The following EDIL3 variants were observed in gnomAD, a reference collection of about 807,000 sequenced individuals.
The protein encoded by EDIL3 is EGF-like repeat and discoidin I-like domain-containing protein 3.
Under a neutral mutation model 67.4 loss-of-function variants are expected in EDIL3, and 37 were observed. That is an observed-to-expected ratio of 0.55 (90% confidence interval 0.42 to 0.72). EDIL3 has a LOEUF of 0.72. Among genes scored for constraint, EDIL3 ranks in the 30% least tolerant of loss-of-function variants. EDIL3 has a pLI of 0.00. For synonymous variants in EDIL3, 195 were observed against 196.3 expected, an observed-to-expected ratio of 0.99 and a Z score of 0.05; for missense variants, 527 against 586.3, an observed-to-expected ratio of 0.90 and a Z score of 1.04.
At chr5:84,205,196 G>A (rs556680978) in intron 3 of EDIL3, among the ~76,000 whole-genome samples, 5 of 151,700 alleles carry the variant, frequency 3.3e-5, no homozygotes, top group Non-Finnish European at 7.4e-5. Context: ...GATTACAGGT[G>A]TTAGCCACCA....
At chr5:84,070,398 CCACGCTCCCAATGACCTGCCCATCTGT>C (rs1746715954) in intron 6 of EDIL3, among the ~76,000 whole-genome samples, 1 of 152,150 alleles carries the variant, frequency 6.6e-6, no homozygotes, top group Admixed American at 6.5e-5. Flanking sequence ...GGGTCAGAGC[CCACGCTCCCAATGACCTGCCCATCTGT>C]CTCCTCCCCC....
At chr5:84,257,444 T>G (rs904898976) in intron 1 of EDIL3, among the ~76,000 whole-genome samples, 3 of 152,222 alleles carry the variant, frequency 2.0e-5, no homozygotes, top group Non-Finnish European at 4.4e-5. Context: ...AATTTTCATC[T>G]TATTTCCATC....
chr5:84,205,550 T>C (rs1209333568), intron 3 of EDIL3, among the ~76,000 whole-genome samples: 1 of 152,158 alleles, frequency 6.6e-6, no homozygotes, highest in Non-Finnish European at 1.5e-5. Context: ...CCTGGACTCT[T>C]TTTGGTTGGT....
chr5:84,078,598 C>A (rs2112255191), intron 6 of EDIL3: 1 of 152,206 alleles, frequency 6.6e-6, no homozygotes, highest in Non-Finnish European at 1.5e-5. Flanking sequence ...AAGAGAATAA[C>A]AATTTAATAT....
intron 9 of EDIL3, among the ~76,000 whole-genome samples, chr5:84,044,000 C>G (rs2112216929): frequency 6.6e-6 from 1 of 152,224 alleles, no homozygotes; most frequent in African/African-American, 2.4e-5. Flanking sequence ...ATCAACCCGT[C>G]ATCTAGGTTT....
chr5:84,212,050 C>T (rs1450438692), intron 3 of EDIL3, among the ~76,000 whole-genome samples: 1 of 152,166 alleles, frequency 6.6e-6, no homozygotes, highest in African/African-American at 2.4e-5. Context: ...TCTCTCCACC[C>T]CCACTTTGCT....
intron 9 of EDIL3, among the ~76,000 whole-genome samples, chr5:83,993,600 A>T (rs1367343711): frequency 6.6e-6 from 1 of 152,194 alleles, no homozygotes; most frequent in Non-Finnish European, 1.5e-5. Context: ...CATCAAGGAA[A>T]GATTGAATAG....
At chr5:84,168,709 AC>A (rs1453703419) in intron 4 of EDIL3, among the ~76,000 whole-genome samples, 1 of 151,850 alleles carries the variant, frequency 6.6e-6, no homozygotes, top group African/African-American at 2.4e-5. Flanking sequence ...ACATTGTTCA[AC>A]TCCTCCCAAG....
chr5:84,310,872 C>T (rs527377393), intron 1 of EDIL3, among the ~76,000 whole-genome samples: 62 of 152,292 alleles, frequency 4.1e-4, no homozygotes, highest in Non-Finnish European at 1.3e-4. Context: ...CTCCTGTGCG[C>T]TTACCCAGTC....
At chr5:84,040,106 T>A (rs1057198527) in intron 9 of EDIL3, among the ~76,000 whole-genome samples, 16 of 152,220 alleles carry the variant, frequency 1.1e-4, no homozygotes, top group Admixed American at 2.0e-4. Flanking sequence ...CCCATTGTCA[T>A]GCAACTAGTG....
intron 3 of EDIL3, among the ~76,000 whole-genome samples, chr5:84,217,654 C>A (rs1174861295): frequency 6.6e-6 from 1 of 151,582 alleles, no homozygotes; most frequent in Non-Finnish European, 1.5e-5. Context: ...GACTTGCCAG[C>A]ACTCAAAATC....
chr5:84,311,901 C>G (rs1304567009), intron 1 of EDIL3, among the ~76,000 whole-genome samples: 1 of 152,198 alleles, frequency 6.6e-6, no homozygotes, highest in Non-Finnish European at 1.5e-5. Flanking sequence ...AACAGGATCA[C>G]AAGGCAGAAG....
intron 1 of EDIL3, among the ~76,000 whole-genome samples, chr5:84,314,950 T>C (rs920816239): frequency 1.3e-5 from 2 of 152,112 alleles, no homozygotes; most frequent in East Asian, 3.9e-4. Context: ...GTTGTAGGAA[T>C]AGGGTAATAG....
intron 9 of EDIL3, among the ~76,000 whole-genome samples, chr5:84,057,631 TA>T (rs373263019): frequency 5.3e-5 from 8 of 152,064 alleles, no homozygotes; most frequent in African/African-American, 1.9e-4. Context: ...TTTCCTTATT[TA>T]AAAAAAAGTC....
At chr5:84,100,249 T>C (rs1392501723) in intron 6 of EDIL3, among the ~76,000 whole-genome samples, 1 of 152,094 alleles carries the variant, frequency 6.6e-6, no homozygotes, top group Non-Finnish European at 1.5e-5. Flanking sequence ...AGATTAGAAA[T>C]CATGCTGCTA....
At chr5:84,152,936 T>C (rs1240838418) in intron 4 of EDIL3, among the ~76,000 whole-genome samples, 6 of 152,200 alleles carry the variant, frequency 3.9e-5, no homozygotes, top group Non-Finnish European at 7.4e-5. Flanking sequence ...TAGAACACTA[T>C]AGATACTAAT....
intron 6 of EDIL3, among the ~76,000 whole-genome samples, chr5:84,084,995 T>C (rs1261744701): frequency 1.3e-5 from 2 of 152,224 alleles, no homozygotes; most frequent in African/African-American, 4.8e-5. Flanking sequence ...AATGTCCTAA[T>C]AACATAATCA....
chr5:84,080,115 C>CAAAAAAAAAAAAAAAAAA (rs10566347), intron 6 of EDIL3, among the ~76,000 whole-genome samples: 1 of 52,954 alleles, frequency 1.9e-5, no homozygotes, highest in Non-Finnish European at 3.4e-5. Flanking sequence ...ACTAAAAATA[C>CAAAAAAAAAAAAAAAAAA]AAAAAAAAAA....
chr5:84,376,191 T>A (rs1561273260), intron 1 of EDIL3, among the ~76,000 whole-genome samples: 1 of 152,102 alleles, frequency 6.6e-6, no homozygotes, highest in East Asian at 1.9e-4. Context: ...GTTTTGAGAA[T>A]TAAAGATGAT....
Sources: allele counts gnomAD v4.1 joint callset (sites outside exome capture counted in the v4.1 genomes callset), GRCh38; gene constraint gnomAD v4.1.1; transcripts MANE v1.5; gene names NCBI Gene and HGNC (gene_info 2026-07-23, HGNC 2026-07-21).